Variants in MSRA observed in about 807,000 individuals in gnomAD.
MSRA encodes the protein methionine sulfoxide reductase A.
Under a neutral mutation model 31.3 loss-of-function variants are expected in MSRA, and 54 were observed. The observed-to-expected ratio is 1.73, with a 90% CI of 1.39 to 2.17. The LOEUF is 2.17. Ranked by LOEUF, MSRA falls within the 30% of genes most tolerant of loss-of-function variation. The pLI is 0.00. For missense variants in MSRA, 507 were observed against 300.9 expected (o/e 1.69, Z -5.07); for synonymous variants, 169 against 116.5 (o/e 1.45, Z -2.90).
At chr8:10,165,870 CTG>C (rs1302361728) in intron 1 of MSRA, among the ~76,000 whole-genome samples, 2 of 150,964 alleles carry the variant, frequency 1.3e-5, no homozygotes, top group African/African-American at 4.9e-5. Context: ...TTAAATAACT[CTG>C]TGAGCAGTTA....
At chr8:10,219,633 C>T (rs535720065) in intron 2 of MSRA, among the ~76,000 whole-genome samples, 33 of 151,774 alleles carry the variant, frequency 2.2e-4, no homozygotes, top group African/African-American at 6.5e-4. Context: ...GGTGAAACCC[C>T]GTCTCTACTA....
At chr8:10,365,762 A>C (rs765993985) in intron 5 of MSRA, among the ~76,000 whole-genome samples, 1 of 152,312 alleles carries the variant, frequency 6.6e-6, no homozygotes, top group Non-Finnish European at 1.5e-5. Flanking sequence ...GCCTCCTCTC[A>C]TCAGGCCTCC....
intron 5 of MSRA, among the ~76,000 whole-genome samples, chr8:10,396,026 C>A (rs1001368469): frequency 1.3e-5 from 2 of 152,172 alleles, no homozygotes; most frequent in African/African-American, 2.4e-5. Context: ...TGGAATTGCC[C>A]ATCTCTAAGG....
chr8:10,284,210 A>T (rs370727652), intron 3 of MSRA, among the ~76,000 whole-genome samples: 1 of 151,970 alleles, frequency 6.6e-6, no homozygotes, highest in East Asian at 1.9e-4. Flanking sequence ...TTTTTTTGAG[A>T]CAGAGTTTTA....
At chr8:10,193,518 C>T (rs1232762477) in intron 1 of MSRA, among the ~76,000 whole-genome samples, 1 of 152,196 alleles carries the variant, frequency 6.6e-6, no homozygotes, top group African/African-American at 2.4e-5. Flanking sequence ...GATAACCAAG[C>T]AGACGGTGCT....
chr8:10,054,694 C>A, intron 1 of MSRA, 36 bp downstream of exon 1: 1 of 1,482,308 alleles, frequency 6.7e-7, no homozygotes, highest in Non-Finnish European at 9.0e-7. Flanking sequence ...CGGGCGGCGA[C>A]GCTGCGCATG....
chr8:10,131,716 C>T (rs1801911378), intron 1 of MSRA, among the ~76,000 whole-genome samples: 1 of 152,152 alleles, frequency 6.6e-6, no homozygotes, highest in Non-Finnish European at 1.5e-5. Flanking sequence ...TCTCTCATTC[C>T]CTATGGCCAG....
intron 5 of MSRA, among the ~76,000 whole-genome samples, chr8:10,325,803 A>G (rs1017247661): frequency 1.3e-5 from 2 of 152,248 alleles, no homozygotes; most frequent in Non-Finnish European, 2.9e-5. Flanking sequence ...GAAGGAGAGC[A>G]GGGAGCTGAA....
At chr8:10,144,709 T>C (rs1802993109) in intron 1 of MSRA, among the ~76,000 whole-genome samples, 1 of 151,406 alleles carries the variant, frequency 6.6e-6, no homozygotes, top group Non-Finnish European at 1.5e-5. Flanking sequence ...CTGCTGTGAA[T>C]AATTATGTTG....
chr8:10,061,153 C>A (rs1261649526), intron 1 of MSRA, among the ~76,000 whole-genome samples: 2 of 152,150 alleles, frequency 1.3e-5, no homozygotes, highest in Non-Finnish European at 2.9e-5. Flanking sequence ...CCTGCTTTCC[C>A]AGTCTTTTTC....
At chr8:10,237,105 A>C (rs1812009139) in intron 2 of MSRA, among the ~76,000 whole-genome samples, 1 of 152,240 alleles carries the variant, frequency 6.6e-6, no homozygotes, top group Non-Finnish European at 1.5e-5. Context: ...TAATATTCTG[A>C]ACTAGTTAAT....
intron 2 of MSRA, among the ~76,000 whole-genome samples, chr8:10,244,291 G>T (rs372738073): frequency 1.3e-5 from 2 of 152,146 alleles, no homozygotes; most frequent in Non-Finnish European, 2.9e-5. Context: ...CAAAATGAAG[G>T]TTCTGTATTT....
rs115986046 is a variant in MSRA, at chr8:10,078,537, G to A, written c.142+23879G>A. Among the ~76,000 whole-genome samples the A allele has an allele frequency of 1.9e-3, 294 of 152,350 alleles. 2 individuals are homozygous for A. The highest frequency in any genetic ancestry group is 6.7e-3 in the African/African-American group (279 of 41,584). ...ATCTGACCCTTTCTGGACAGCGTCT[G>A]CTTCCTGCAGCTTGTGTGCCTGTTT... On this transcript the variant is annotated intron_variant, in intron 1 of 5. Transcript: ENST00000317173.
At chr8:10,181,492 G>A (rs1806535127) in intron 1 of MSRA, among the ~76,000 whole-genome samples, 1 of 151,396 alleles carries the variant, frequency 6.6e-6, no homozygotes. Flanking sequence ...AGACCCATCA[G>A]GGATAGATTC....
rs535314537 is a variant in MSRA at position 10,101,411 on chromosome 8, A to G, written c.142+46753A>G. 3.3e-5 allele frequency among the ~76,000 whole-genome samples: 5 copies of G among 152,274 alleles called. No individual in the cohort carries two copies. In the East Asian group the frequency reaches 7.7e-4, roughly 23 times the overall value. On this transcript the variant is annotated intron_variant, in intron 1 of 5. Transcript: ENST00000317173. Reference sequence around the variant, plus strand: ...CATAACATATTTTACCGTCTTAACCATTTTTAAGTGGTATCAGGTACATTC... The same window carrying G: ...CATAACATATTTTACCGTCTTAACCGTTTTTAAGTGGTATCAGGTACATTC...
intron 4 of MSRA, among the ~76,000 whole-genome samples, chr8:10,315,240 G>C (rs1457283110): frequency 1.3e-5 from 2 of 152,156 alleles, no homozygotes; most frequent in East Asian, 3.8e-4. Flanking sequence ...AGATTTGGGA[G>C]GGGACACAGT....
chr8:10,173,216 G>A (rs1311435467), intron 1 of MSRA, among the ~76,000 whole-genome samples: 1 of 152,222 alleles, frequency 6.6e-6, no homozygotes, highest in African/African-American at 2.4e-5. Context: ...CAGTGAGAAG[G>A]CGGTTAAATG....
At chr8:10,351,347 G>A (rs1462672578) in intron 5 of MSRA, among the ~76,000 whole-genome samples, 1 of 140,944 alleles carries the variant, frequency 7.1e-6, no homozygotes, top group Non-Finnish European at 1.5e-5. Context: ...TCTGCCTCTT[G>A]GGTTCAAGCG....
intron 1 of MSRA, among the ~76,000 whole-genome samples, chr8:10,094,865 A>T (rs1387373307): frequency 1.3e-5 from 2 of 152,364 alleles, no homozygotes; most frequent in South Asian, 2.1e-4. Context: ...ATATGAAAAG[A>T]TACTTGCTGT....
Sources: allele counts gnomAD v4.1 joint callset (sites outside exome capture counted in the v4.1 genomes callset), GRCh38; gene constraint gnomAD v4.1.1; transcripts MANE v1.5; gene names NCBI Gene and HGNC (gene_info 2026-07-23, HGNC 2026-07-21).